The following KIAA1217 variants were observed in gnomAD, a reference collection of about 807,000 sequenced individuals.
The protein encoded by KIAA1217 is KIAA1217.
Under a neutral mutation model 163.9 loss-of-function variants are expected in KIAA1217, and 88 were observed. The observed-to-expected ratio is 0.54, with a 90% CI of 0.45 to 0.64. The LOEUF (loss-of-function observed/expected upper bound fraction) is 0.64, where lower values mean the gene tolerates loss of function less well. Among genes scored for constraint, KIAA1217 ranks in the 30% least tolerant of loss-of-function variants. KIAA1217 has a pLI of 0.00. For synonymous variants in KIAA1217, 903 were observed against 923.1 expected (o/e 0.98, Z 0.39); for missense variants, 2,372 against 2,475.0 (o/e 0.96, Z 0.88).
intron 2 of KIAA1217, among the ~76,000 whole-genome samples, chr10:24,195,065 G>A (rs2066920553): frequency 6.6e-6 from 1 of 152,034 alleles, no homozygotes. Flanking sequence ...GGCCACCCTG[G>A]GTGGGCTGTA....
intron 2 of KIAA1217, among the ~76,000 whole-genome samples, chr10:24,018,718 A>G (rs1289082707): frequency 6.6e-5 from 10 of 152,102 alleles, no homozygotes; most frequent in African/African-American, 2.2e-4. Flanking sequence ...ATATATCCAA[A>G]GATAATGGAA....
intron 2 of KIAA1217, among the ~76,000 whole-genome samples, chr10:24,308,341 C>T (rs536600578): frequency 5.3e-5 from 8 of 152,290 alleles, no homozygotes; most frequent in African/African-American, 1.9e-4. Flanking sequence ...CTGGCTAGAC[C>T]GTCAACAGTT....
intron 2 of KIAA1217, among the ~76,000 whole-genome samples, chr10:24,275,959 G>A (rs1469906825): frequency 6.6e-6 from 1 of 152,116 alleles, no homozygotes; most frequent in African/African-American, 2.4e-5. Context: ...GCTTGGCGAT[G>A]TTGCATTAAA....
intron 2 of KIAA1217, among the ~76,000 whole-genome samples, chr10:24,017,647 T>G (rs963213171): frequency 2.0e-5 from 3 of 152,080 alleles, no homozygotes; most frequent in Non-Finnish European, 4.4e-5. Flanking sequence ...GGATAAAATT[T>G]AAAAATTTAA....
rs77879142 is a variant in KIAA1217, at chr10:24,092,367, A to G, written c.-171+84993A>G. ...TATCATTATCAAGATACTAAGGACT[A>G]TAAAGCTAAACATAGCCATGCCATA... On this transcript the variant is annotated intron_variant, in intron 2 of 18. Transcript: ENST00000376462. Among the ~76,000 whole-genome samples the G allele has an allele frequency of 6.6e-3, 1,007 of 152,034 alleles. 39 individuals carry two copies. Among genetic ancestry groups the G allele is most frequent in the African/African-American group, 0.023 (964 of 41,268 alleles).
intron 2 of KIAA1217, among the ~76,000 whole-genome samples, chr10:24,248,830 G>C (rs958705215): frequency 6.6e-6 from 1 of 152,130 alleles, no homozygotes; most frequent in African/African-American, 2.4e-5. Flanking sequence ...AAAAGAAACT[G>C]TTTTAATGTA....
At chr10:24,445,387 T>C (rs1036681770) in intron 5 of KIAA1217, among the ~76,000 whole-genome samples, 2 of 152,214 alleles carry the variant, frequency 1.3e-5, no homozygotes, top group African/African-American at 4.8e-5. Context: ...TTTCTGTTTT[T>C]AATTATTATT....
At chr10:24,357,122 C>T (rs1043632801) in intron 2 of KIAA1217, among the ~76,000 whole-genome samples, 68 of 152,252 alleles carry the variant, frequency 4.5e-4, no homozygotes, top group South Asian at 1.7e-3. Flanking sequence ...ACTCGTACCA[C>T]GGCCAGCCAT....
At chr10:23,708,229 C>T (rs886117436) in intron 1 of KIAA1217, among the ~76,000 whole-genome samples, 4 of 152,164 alleles carry the variant, frequency 2.6e-5, no homozygotes, top group Admixed American at 6.5e-5. Context: ...AAACCACCTC[C>T]GTGATTCCAT....
intron 1 of KIAA1217, among the ~76,000 whole-genome samples, chr10:23,826,550 C>T (rs968499891): frequency 6.6e-6 from 1 of 152,116 alleles, no homozygotes; most frequent in African/African-American, 2.4e-5. Context: ...CCTGCATTTC[C>T]TTTGGTGCTT....
At chr10:24,467,029 C>G (rs1314343586) in intron 5 of KIAA1217, among the ~76,000 whole-genome samples, 1 of 151,118 alleles carries the variant, frequency 6.6e-6, no homozygotes, top group Non-Finnish European at 1.5e-5. Flanking sequence ...TGATTTTAAA[C>G]AAATATTTTT....
chr10:24,354,485 G>A (rs2048836366), intron 2 of KIAA1217, among the ~76,000 whole-genome samples: 1 of 152,236 alleles, frequency 6.6e-6, no homozygotes, highest in Non-Finnish European at 1.5e-5. Flanking sequence ...TCTGCACACA[G>A]CTTAAGTGTT....
At chr10:23,957,285 T>C (rs1844610245) in intron 1 of KIAA1217, among the ~76,000 whole-genome samples, 1 of 152,164 alleles carries the variant, frequency 6.6e-6, no homozygotes, top group Non-Finnish European at 1.5e-5. Flanking sequence ...GTCAGTCGTT[T>C]CCTCCAACAA....
At chr10:24,357,181 C>T (rs1026743824) in intron 2 of KIAA1217, among the ~76,000 whole-genome samples, 2 of 152,162 alleles carry the variant, frequency 1.3e-5, no homozygotes, top group African/African-American at 4.8e-5. Context: ...CCCCTGCCCA[C>T]TGTAGGTAGA....
chr10:24,405,023 G>T (rs1043257749), intron 3 of KIAA1217, among the ~76,000 whole-genome samples: 5 of 152,176 alleles, frequency 3.3e-5, no homozygotes, highest in Non-Finnish European at 7.3e-5. Context: ...GCACTTGGGG[G>T]CCTAGTTATG....
At chr10:24,021,202 A>G (rs1160420481) in intron 2 of KIAA1217, among the ~76,000 whole-genome samples, 1 of 151,974 alleles carries the variant, frequency 6.6e-6, no homozygotes, top group African/African-American at 2.4e-5. Flanking sequence ...AGAAAATCCC[A>G]AAGAAGCAAC....
chr10:23,778,981 A>G (rs1835130043), intron 1 of KIAA1217, among the ~76,000 whole-genome samples: 1 of 152,190 alleles, frequency 6.6e-6, no homozygotes, highest in South Asian at 2.1e-4. Flanking sequence ...TCTCCAGTTG[A>G]TAAGCTTGGA....
chr10:23,926,598 G>A (rs1162774172), intron 1 of KIAA1217, among the ~76,000 whole-genome samples: 1 of 151,994 alleles, frequency 6.6e-6, no homozygotes, highest in Non-Finnish European at 1.5e-5. Flanking sequence ...GGTGGCAGGC[G>A]CCTGTAATCC....
At position 24,219,858 on chromosome 10, in the gene KIAA1217, C is replaced by G; in HGVS notation, c.303C>G (p.Tyr101Ter). ...EAFLEHLKQK[Y>*]PHHASAIMGH... is the part of the protein sequence containing the mutation. ...TCCTAGAACATCTGAAGCAGAAGTA[C>G]CCCCACCACGCCTCTGCAATCATGG... The change falls in exon 2 of 21, where the codon TAC (tyrosine) becomes TAG (stop). Residue 101 changes from tyrosine to a stop codon, truncating the protein, a stop_gained. Transcript: ENST00000376454. LOFTEE classifies it high-confidence loss of function. 6.2e-7 allele frequency: 1 copy of G among 1,613,138 alleles called. No individual in the cohort carries two copies. Among genetic ancestry groups the G allele is most frequent in the Non-Finnish European group, 8.5e-7 (1 of 1,179,548 alleles).
Sources: allele counts gnomAD v4.1 joint callset (sites outside exome capture counted in the v4.1 genomes callset), GRCh38; gene constraint gnomAD v4.1.1; transcripts MANE v1.5; gene names NCBI Gene and HGNC (gene_info 2026-07-23, HGNC 2026-07-21).